KY: variants seen among roughly 807,000 people sequenced by gnomAD.
KY encodes the protein kyphoscoliosis peptidase.
A neutral mutation model predicts 76.1 loss-of-function variants in KY; 43 were observed. The observed-to-expected ratio is 0.57, with a 90% CI of 0.44 to 0.73. The LOEUF (loss-of-function observed/expected upper bound fraction) is 0.73. KY is among the 30% of genes least tolerant of loss of function. KY has a pLI of 0.00. For synonymous variants in KY, 277 were observed against 326.2 expected (o/e 0.85, Z 1.63); for missense variants, 722 against 828.9 (o/e 0.87, Z 1.58).
rs1577562991 is a variant in KY at position 134,603,443 on chromosome 3, T to G, written c.*136A>C. On this transcript the variant is annotated 3_prime_UTR_variant, in exon 11 of 11. Coordinates refer to ENST00000423778, the MANE Select transcript of KY (RefSeq NM_178554.6). Reference sequence around the variant, plus strand: ...AAGATCACAGCTCCTGTGGCAGAGGTGGGACACTGAGGCAGAGGCCTAGAA... The same window carrying G: ...AAGATCACAGCTCCTGTGGCAGAGGGGGGACACTGAGGCAGAGGCCTAGAA... The G allele has an allele frequency of 1.4e-6, 1 of 737,604 alleles. No individual in the cohort carries two copies. Among genetic ancestry groups the G allele is most frequent in the Non-Finnish European group, 2.2e-6 (1 of 456,446 alleles). The allele number at this position is 737,604 out of a possible 1,614,324, so 45.7% of individuals were successfully genotyped here.
intron 1 of KY, among the ~76,000 whole-genome samples, chr3:134,650,180 CT>C (rs1966849025): frequency 6.6e-6 from 1 of 152,234 alleles, no homozygotes; most frequent in Non-Finnish European, 1.5e-5. Flanking sequence ...CAATCTACAA[CT>C]TACAAATTTA....
intron 6 of KY, among the ~76,000 whole-genome samples, chr3:134,622,106 T>C (rs1224565449): frequency 6.6e-6 from 1 of 152,238 alleles, no homozygotes; most frequent in African/African-American, 2.4e-5. Flanking sequence ...TCTTGTACGA[T>C]GCTAGTGGGA....
intron 1 of KY, among the ~76,000 whole-genome samples, chr3:134,650,177 C>T (rs1176258788): frequency 6.6e-6 from 1 of 152,228 alleles, no homozygotes; most frequent in Non-Finnish European, 1.5e-5. Context: ...TACCAATCTA[C>T]AACTTACAAA....
Position 134,620,527 on chromosome 3 carries a change from G to A in KY, c.592+222C>T, listed in dbSNP as rs184125979. Among the ~76,000 whole-genome samples, 442 of 152,298 alleles carry A rather than the reference G, an allele frequency of 2.9e-3. 2 individuals are homozygous for A. The highest frequency in any genetic ancestry group is 9.9e-3 in the African/African-American group (411 of 41,558). On this transcript the variant is annotated intron_variant, in intron 7 of 10. Coordinates refer to ENST00000423778, the MANE Select transcript of KY (RefSeq NM_178554.6). ...CTCTGGGCACTGGTTATGGGCAGAAGGCTGCAAGGGATTCTCCTCCAACTA... is the reference window on the plus strand; with the variant it reads ...CTCTGGGCACTGGTTATGGGCAGAAAGCTGCAAGGGATTCTCCTCCAACTA...
intron 8 of KY, among the ~76,000 whole-genome samples, chr3:134,611,001 C>T (rs963731148): frequency 6.6e-5 from 10 of 152,160 alleles, no homozygotes; most frequent in Non-Finnish European, 1.3e-4. Context: ...CAGCCCTGGC[C>T]CAGGGAGGAC....
chr3:134,613,081 C>T (rs1194429682), intron 8 of KY: 1 of 154,340 alleles, frequency 6.5e-6, no homozygotes, highest in East Asian at 1.9e-4. Context: ...AAGGGGAGTC[C>T]TGGGAACAAT....
rs149491104 is a variant in KY, at chr3:134,630,461, A to G, written c.263-766T>C. 3.3e-5 allele frequency among the ~76,000 whole-genome samples: 5 copies of G among 152,342 alleles called. No individual in the cohort carries two copies. In the East Asian group the frequency reaches 7.7e-4, roughly 24 times the overall value. ...AGAGGCAGACACAGTTGTGGGGCCT[A>G]TATGGCAGAGTGAGGAAACTGAAGC... On this transcript the variant is annotated intron_variant, in intron 3 of 10. Transcript: ENST00000423778.
chr3:134,607,283 G>A (rs1959351828), intron 10 of KY: 1 of 985,536 alleles, frequency 1.0e-6, no homozygotes, highest in Non-Finnish European at 1.2e-6. Context: ...GTTTGCAAGA[G>A]CTCAGCAACT....
chr3:134,635,580 TTTTAAAGAGGGAAA>T (rs1964852568), intron 3 of KY, among the ~76,000 whole-genome samples: 1 of 149,946 alleles, frequency 6.7e-6, no homozygotes, highest in Non-Finnish European at 1.5e-5. Context: ...CACAAGATAA[TTTTAAAGAGGGAAA>T]TAGAACTGCT....
At chr3:134,649,729 C>T (rs1051139309) in intron 1 of KY, among the ~76,000 whole-genome samples, 1 of 152,224 alleles carries the variant, frequency 6.6e-6, no homozygotes, top group African/African-American at 2.4e-5. Flanking sequence ...GTTCCCAGGG[C>T]TCTGGAGGCA....
rs1963259594 is a variant in KY at position 134,625,148 on chromosome 3, G to A, written c.401-13C>T. On this transcript the variant is annotated splice_polypyrimidine_tract_variant and intron_variant, in intron 5 of 10. Coordinates refer to ENST00000423778, the MANE Select transcript of KY (RefSeq NM_178554.6). ...TCCCAGGGGTAGGCTGGAAACACAGGGCACCTTGGTCAGCAGCTGAGACCC... is the reference window on the plus strand; with the variant it reads ...TCCCAGGGGTAGGCTGGAAACACAGAGCACCTTGGTCAGCAGCTGAGACCC... The A allele has an allele frequency of 6.3e-7, 1 of 1,587,734 alleles. No individual in the cohort carries two copies. Among genetic ancestry groups the A allele is most frequent in the Admixed American group, 1.8e-5 (1 of 55,924 alleles).
At chr3:134,619,384 G>A in intron 7 of KY, 119 bp from the exon 8 acceptor site, 1 of 738,908 alleles carries the variant, frequency 1.4e-6, no homozygotes, top group Non-Finnish European at 2.5e-6. Context: ...TGGGCTGAAT[G>A]GAACTACAGC....
intron 3 of KY, among the ~76,000 whole-genome samples, chr3:134,632,302 C>A (rs148809327): frequency 1.6e-3 from 242 of 152,040 alleles, no homozygotes; most frequent in African/African-American, 5.3e-3. Context: ...CTAATAACAG[C>A]ACAACGCACA....
Position 134,600,613 on chromosome 3 carries a change from C to T in KY, c.*2966G>A, listed in dbSNP as rs11927540. On this transcript the variant is annotated 3_prime_UTR_variant, in exon 11 of 11. Coordinates refer to ENST00000423778, the MANE Select transcript of KY (RefSeq NM_178554.6). ...CCACCACTCCTCCACCCTCGGTTCC[C>T]TTCTGCCCTGTGGCCTGGGGGCTGC... Among the ~76,000 whole-genome samples, 93,956 of 151,440 alleles carry T rather than the reference C, an allele frequency of 0.62. 29,753 individuals carry two copies. Among genetic ancestry groups the T allele is most frequent in the East Asian group, 0.87 (4,447 of 5,118 alleles).
In KY at chr3:134,608,776, G is replaced by A. The variant is rs1405050686; in HGVS notation, c.963C>T (p.Asn321=). Residue 321 remains asparagine (N), a synonymous_variant, in exon 10 of 11, where the codon AAC becomes AAT. Transcript: ENST00000423778. ...GAGGTTTTAGCAGCTGCCAGTTCTTGTTGTCTGGGAAGTGGTCCTCGATGA... is the reference window on the plus strand; with the variant it reads ...GAGGTTTTAGCAGCTGCCAGTTCTTATTGTCTGGGAAGTGGTCCTCGATGA... The part of the protein sequence containing the change: ...ALFIEDHFPD[N]KNWQLLKPPQ... The A allele has an allele frequency of 6.2e-7, 1 of 1,614,038 alleles. No individual in the cohort carries two copies. Among genetic ancestry groups the A allele is most frequent in the Admixed American group, 1.7e-5 (1 of 60,028 alleles).
chr3:134,625,114 C>A lies in KY; in HGVS notation c.422G>T (p.Ser141Ile), dbSNP rs1295025738. The change falls in exon 6 of 11, where the codon AGC (serine) becomes ATC (isoleucine). Residue 141 changes from serine (S) to isoleucine (I), a missense_variant. Transcript: ENST00000423778. ...DAHAYPWDRS[S>I]LKSMSLDLQQ... The stretch of plus-strand genomic sequence containing the variant: ...CAGGTCCAGGGACATGGATTTCAGG[C>A]TAGATCGATCCCAGGGGTAGGCTGG... 1 of 1,600,510 alleles carries A rather than the reference C, an allele frequency of 6.2e-7. No homozygotes were observed. Among genetic ancestry groups the A allele is most frequent in the South Asian group, 1.1e-5 (1 of 88,188 alleles).
chr3:134,643,415 T>A, intron 2 of KY, 37 bp from the exon 3 acceptor site: 1 of 1,585,600 alleles, frequency 6.3e-7, no homozygotes, highest in Non-Finnish European at 8.7e-7. Flanking sequence ...CAGTGACCAC[T>A]GGGGAATTTT....
At chr3:134,617,051 C>A (rs1339273991) in intron 8 of KY, among the ~76,000 whole-genome samples, 1 of 152,152 alleles carries the variant, frequency 6.6e-6, no homozygotes, top group African/African-American at 2.4e-5. Flanking sequence ...AACTTTGGCA[C>A]TCCTTCTAAA....
intron 3 of KY, among the ~76,000 whole-genome samples, chr3:134,643,036 T>C (rs1965954597): frequency 6.6e-6 from 1 of 152,194 alleles, no homozygotes; most frequent in African/African-American, 2.4e-5. Context: ...GAATGTTGAA[T>C]AGTGATGACA....
Sources: allele counts gnomAD v4.1 joint callset (sites outside exome capture counted in the v4.1 genomes callset), GRCh38; gene constraint gnomAD v4.1.1; transcripts MANE v1.5; gene names NCBI Gene and HGNC (gene_info 2026-07-23, HGNC 2026-07-21).